USP48: variants seen among roughly 807,000 people sequenced by gnomAD.
USP48 encodes ubiquitin specific peptidase 48, also known as ubiquitin carboxyl-terminal hydrolase 48.
USP48 carries 43 observed loss-of-function variants against 150.7 expected under a neutral mutation model. That is an observed-to-expected ratio of 0.29 (90% confidence interval 0.22 to 0.37). USP48 has a LOEUF of 0.37. USP48 is among the 10% of genes least tolerant of loss of function. The pLI is 1.00. For synonymous variants in USP48, 396 were observed against 425.9 expected, an observed-to-expected ratio of 0.93 and a Z score of 0.86; for missense variants, 813 against 1,249.6, an observed-to-expected ratio of 0.65 and a Z score of 5.27.
In USP48 at chr1:21,747,077, C is replaced by T. The variant is rs749112239; in HGVS notation, c.981G>A (p.Val327=). The change falls in exon 8 of 27, where the codon GTG becomes GTA. Residue 327 remains valine (V), a synonymous_variant. Coordinates refer to ENST00000308271, the MANE Select transcript of USP48 (RefSeq NM_032236.8). ...CAGTAAAAATATTACCTTTATGTTC[C>T]ACATAAGGCTCCATATCCAAAATTT... ...FSEILDMEPY[V]EHKGGSYVYE... is the part of the protein sequence containing the mutation. The T allele has an allele frequency of 6.2e-7, 1 of 1,608,882 alleles. No individual in the cohort carries two copies. Among genetic ancestry groups the T allele is most frequent in the Admixed American group, 1.7e-5 (1 of 59,412 alleles).
rs150464122 is a variant in USP48, at chr1:21,751,365, T to C, written c.774+142A>G. The C allele has an allele frequency of 4.2e-4, 275 of 656,054 alleles. 2 individuals carry two copies. In the African/African-American group the frequency reaches 4.5e-3, roughly 11 times the overall value. 40.6% of individuals were successfully genotyped at this position (656,054 alleles called of 1,614,324 possible). A position where few individuals can be genotyped will look rare whatever the true frequency, so the allele number is the denominator to read the frequency against. On this transcript the variant is annotated intron_variant, in intron 6 of 26. Coordinates refer to ENST00000308271, the MANE Select transcript of USP48 (RefSeq NM_032236.8). ...CTGCTTTGGTACTTCATAAAGTGTC[T>C]TCTGGATCATTACAGATGCTTCTTA...
intron 18 of USP48, 86 bp from the exon 19 acceptor site, chr1:21,705,923 A>G (rs1174915549): frequency 4.2e-6 from 5 of 1,189,754 alleles, no homozygotes; most frequent in African/African-American, 3.1e-5. Flanking sequence ...TCAAAATCAG[A>G]GATATATTTA....
intron 14 of USP48, among the ~76,000 whole-genome samples, chr1:21,716,952 C>T (rs188644296): frequency 9.9e-5 from 15 of 152,052 alleles, no homozygotes; most frequent in Non-Finnish European, 1.8e-4. Context: ...GGCGGGAACC[C>T]GGGAGGCAGA....
chr1:21,729,052 A>C (rs1242303786), intron 10 of USP48, among the ~76,000 whole-genome samples: 1 of 152,196 alleles, frequency 6.6e-6, no homozygotes, highest in Non-Finnish European at 1.5e-5. Context: ...TGGAAGGCTG[A>C]GGCGGGTGGA....
At chr1:21,760,322 A>G (rs1343334172) in intron 1 of USP48, among the ~76,000 whole-genome samples, 2 of 152,248 alleles carry the variant, frequency 1.3e-5, no homozygotes, top group Admixed American at 1.3e-4. Flanking sequence ...TAGGATACCC[A>G]CTAAAGGATT....
chr1:21,715,310 T>A (rs751935142), intron 15 of USP48, 79 bp downstream of exon 15: 2 of 1,110,378 alleles, frequency 1.8e-6, no homozygotes, highest in Non-Finnish European at 2.6e-6. Context: ...TGAGAGATAC[T>A]GGCATGAAAG....
chr1:21,765,901 C>CAAAAAAAAAAAAAAAAAAAAA (rs199539331), intron 1 of USP48, among the ~76,000 whole-genome samples: 1 of 112,162 alleles, frequency 8.9e-6, no homozygotes. Flanking sequence ...ACTCCATCTC[C>CAAAAAAAAAAAAAAAAAAAAA]AAAAAAAAAA....
chr1:21,741,774 G>A (rs1236961981), intron 8 of USP48, among the ~76,000 whole-genome samples: 2 of 152,084 alleles, frequency 1.3e-5, no homozygotes, highest in Non-Finnish European at 2.9e-5. Context: ...CCGTAAGTCC[G>A]AAACCAGCCT....
intron 8 of USP48, among the ~76,000 whole-genome samples, chr1:21,743,531 T>C (rs2097786802): frequency 1.3e-5 from 2 of 152,118 alleles, no homozygotes; most frequent in South Asian, 4.1e-4. Flanking sequence ...ACGCTGTGGC[T>C]GGCAATATCC....
chr1:21,770,609 G>C (rs1185318261), intron 1 of USP48, among the ~76,000 whole-genome samples: 1 of 151,058 alleles, frequency 6.6e-6, no homozygotes, highest in African/African-American at 2.4e-5. Flanking sequence ...AGCCTTCTGA[G>C]TAGTGGGACT....
chr1:21,707,421 A>G (rs541394363), intron 15 of USP48, among the ~76,000 whole-genome samples: 1 of 152,256 alleles, frequency 6.6e-6, no homozygotes, highest in Non-Finnish European at 1.5e-5. Flanking sequence ...CAAACAGAAG[A>G]TAAAGCAATC....
At chr1:21,687,038 G>T (rs2097582085) in intron 25 of USP48, 153 bp downstream of exon 25, 2 of 694,330 alleles carry the variant, frequency 2.9e-6, no homozygotes, top group South Asian at 3.9e-5. Flanking sequence ...TCCTTTCTAT[G>T]ATCTTTTAAG....
intron 1 of USP48, among the ~76,000 whole-genome samples, chr1:21,777,687 C>T (rs559947106): frequency 7.9e-5 from 12 of 151,548 alleles, no homozygotes; most frequent in South Asian, 4.2e-4. Context: ...AATAAGAAGG[C>T]GGAGAAGAAG....
intron 25 of USP48, 185 bp downstream of exon 25, chr1:21,687,006 A>T: frequency 1.6e-6 from 1 of 622,816 alleles, no homozygotes; most frequent in South Asian, 2.1e-5. Context: ...TAGCTTTCCA[A>T]GTTTTTGTAG....
Position 21,719,890 on chromosome 1 carries a change from A to C in USP48, c.1894+1146T>G, listed in dbSNP as rs138029738. Among the ~76,000 whole-genome samples the C allele has an allele frequency of 2.6e-5, 4 of 152,282 alleles. No homozygotes were observed. The East Asian group carries it at 7.7e-4, about 29-fold the overall frequency. On this transcript the variant is annotated intron_variant, in intron 14 of 26. Coordinates refer to ENST00000308271, the MANE Select transcript of USP48 (RefSeq NM_032236.8). ...AAAGAGCAAAACTCCATCTCAAATA[A>C]ATAAATAAATAAAATAAAAACTTAA...
At chr1:21,738,391 T>C (rs1216838034) in intron 8 of USP48, among the ~76,000 whole-genome samples, 4 of 147,176 alleles carry the variant, frequency 2.7e-5, no homozygotes, top group Non-Finnish European at 6.0e-5. Context: ...GTTTCACTCT[T>C]GTTGCCCAGG....
intron 1 of USP48, among the ~76,000 whole-genome samples, chr1:21,780,766 T>C (rs1377420514): frequency 3.0e-5 from 4 of 133,404 alleles, no homozygotes; most frequent in Non-Finnish European, 4.9e-5. Context: ...TTTTTGAGAC[T>C]GAGTCTCGCC....
chr1:21,760,700 G>A (rs2097847840), intron 1 of USP48, among the ~76,000 whole-genome samples: 1 of 151,396 alleles, frequency 6.6e-6, no homozygotes, highest in African/African-American at 2.4e-5. Flanking sequence ...TGGGCAACAA[G>A]AACAAAACTC....
intron 19 of USP48, 117 bp from the exon 20 acceptor site, chr1:21,704,509 A>G (rs1048526848): frequency 1.7e-5 from 19 of 1,136,828 alleles, no homozygotes; most frequent in Admixed American, 3.1e-5. Context: ...CAAAGGAATT[A>G]GAGAGAAAAG....
Sources: gnomAD v4.1 joint callset for allele counts (sites outside exome capture counted in the v4.1 genomes callset) on GRCh38, gnomAD v4.1.1 for gene constraint, MANE v1.5 for transcripts, NCBI Gene and HGNC (gene_info 2026-07-23, HGNC 2026-07-21) for gene names.